CDS1: variants seen among roughly 807,000 people sequenced by gnomAD.
CDS1 encodes the protein CDP-diacylglycerol synthase 1.
In CDS1, 41 loss-of-function variants were observed where a neutral mutation model predicts 62.1. The observed-to-expected ratio is 0.66, with a 90% CI of 0.51 to 0.86. The LOEUF is 0.86. CDS1 is among the 40% of genes least tolerant of loss of function. The probability of loss-of-function intolerance (pLI) is 0.00; values close to 1 mark genes in which losing one functional copy is unlikely to be tolerated. For missense variants in CDS1, 470 were observed against 550.1 expected (o/e 0.85, Z 1.46); for synonymous variants, 185 against 192.6 (o/e 0.96, Z 0.32).
intron 5 of CDS1, among the ~76,000 whole-genome samples, chr4:84,624,996 G>T (rs1225839780): frequency 6.6e-6 from 1 of 152,016 alleles, no homozygotes; most frequent in African/African-American, 2.4e-5. Context: ...AAGTAGCTGG[G>T]ACTACAGGCA....
At chr4:84,630,148 A>G (rs1723976723) in intron 5 of CDS1, among the ~76,000 whole-genome samples, 1 of 152,196 alleles carries the variant, frequency 6.6e-6, no homozygotes, top group South Asian at 2.1e-4. Flanking sequence ...AGATAAGTCT[A>G]CCTGCTGTAG....
intron 5 of CDS1, among the ~76,000 whole-genome samples, chr4:84,630,885 C>G (rs1476213044): frequency 1.3e-5 from 2 of 152,140 alleles, no homozygotes; most frequent in Non-Finnish European, 2.9e-5. Context: ...TATATATTTT[C>G]AATATCCACC....
chr4:84,590,503 TGA>T (rs375352419), intron 1 of CDS1, among the ~76,000 whole-genome samples: 73 of 152,358 alleles, frequency 4.8e-4, no homozygotes, highest in African/African-American at 1.8e-3. Flanking sequence ...CTTATTATTT[TGA>T]GAGATACTAC....
Position 84,600,211 on chromosome 4 carries a change from T to A in CDS1, c.118-4032T>A, listed in dbSNP as rs112387987. ...AATGTCTGTCCAAATATTTTGTTCA[T>A]TTATTGTTTCCTTGTCGAATTTTGA... On this transcript the variant is annotated intron_variant, in intron 1 of 12. Coordinates refer to ENST00000295887, the MANE Select transcript of CDS1 (RefSeq NM_001263.4). 1.2e-3 allele frequency among the ~76,000 whole-genome samples: 189 copies of A among 152,326 alleles called. 1 individual carries two copies. The highest frequency in any genetic ancestry group is 4.3e-3 in the African/African-American group (179 of 41,580).
chr4:84,602,000 A>C (rs867417817), intron 1 of CDS1, among the ~76,000 whole-genome samples: 4 of 152,172 alleles, frequency 2.6e-5, no homozygotes, highest in Non-Finnish European at 4.4e-5. Context: ...ACAGTGCCGC[A>C]TGGCTCTATT....
At chr4:84,630,971 T>G (rs1179808562) in intron 5 of CDS1, among the ~76,000 whole-genome samples, 1 of 152,222 alleles carries the variant, frequency 6.6e-6, no homozygotes, top group Non-Finnish European at 1.5e-5. Context: ...TCCCATTATT[T>G]TAGTATATGA....
chr4:84,595,619 G>C (rs1464968700), intron 1 of CDS1, among the ~76,000 whole-genome samples: 2 of 152,126 alleles, frequency 1.3e-5, no homozygotes, highest in Admixed American at 1.3e-4. Flanking sequence ...AACCGTACTT[G>C]TTTCTCACTC....
At chr4:84,619,562 T>C (rs748535874) in intron 5 of CDS1, 29 bp downstream of exon 5, 7 of 1,301,294 alleles carry the variant, frequency 5.4e-6, no homozygotes, top group Non-Finnish European at 5.2e-6. Context: ...TGTATTGATA[T>C]ATAGTTAACA....
At chr4:84,620,715 G>A (rs1354652628) in intron 5 of CDS1, among the ~76,000 whole-genome samples, 2 of 151,920 alleles carry the variant, frequency 1.3e-5, no homozygotes, top group African/African-American at 2.4e-5. Context: ...CTTTTTAAAA[G>A]CCAGATTGCT....
intron 11 of CDS1, among the ~76,000 whole-genome samples, chr4:84,644,750 AAAG>A (rs539761858): frequency 2.6e-4 from 39 of 152,240 alleles, no homozygotes; most frequent in Non-Finnish European, 4.4e-4. Flanking sequence ...ACACTTAAAA[AAAG>A]AAGAAGAAAT....
intron 2 of CDS1, among the ~76,000 whole-genome samples, chr4:84,605,925 G>A (rs181037961): frequency 6.6e-6 from 1 of 152,262 alleles, no homozygotes; most frequent in Non-Finnish European, 1.5e-5. Flanking sequence ...TAGCTAGTAA[G>A]TTATGGACCC....
chr4:84,632,441 G>T (rs939896037), intron 6 of CDS1, among the ~76,000 whole-genome samples: 5 of 152,076 alleles, frequency 3.3e-5, no homozygotes, highest in African/African-American at 1.2e-4. Flanking sequence ...ACAATGCAAT[G>T]TAGTATTCAG....
At chr4:84,583,644 C>A in intron 1 of CDS1, 126 bp downstream of exon 1, 1 of 581,284 alleles carries the variant, frequency 1.7e-6, no homozygotes, top group Non-Finnish European at 3.0e-6. Context: ...GTGCACCTTC[C>A]TCCCTGCCTG....
chr4:84,591,037 AG>A (rs1418518331), intron 1 of CDS1, among the ~76,000 whole-genome samples: 2 of 152,186 alleles, frequency 1.3e-5, no homozygotes, highest in African/African-American at 2.4e-5. Flanking sequence ...TCAAAATAAA[AG>A]TTTCTTTTCC....
chr4:84,596,972 C>A (rs1722770712), intron 1 of CDS1, among the ~76,000 whole-genome samples: 1 of 152,092 alleles, frequency 6.6e-6, no homozygotes. Context: ...TGGCCAAAGC[C>A]CTGGCTGGAG....
intron 2 of CDS1, among the ~76,000 whole-genome samples, chr4:84,605,276 A>G (rs1723058247): frequency 6.6e-6 from 1 of 152,112 alleles, no homozygotes; most frequent in African/African-American, 2.4e-5. Context: ...TCTTCCCATT[A>G]CTGTGTAATA....
intron 5 of CDS1, among the ~76,000 whole-genome samples, chr4:84,629,690 C>T (rs544434050): frequency 6.6e-6 from 1 of 152,274 alleles, no homozygotes; most frequent in East Asian, 1.9e-4. Flanking sequence ...CTCCCCCTTC[C>T]TCTAAGTCAG....
chr4:84,635,629 TCCTTC>T (rs1724172472), intron 8 of CDS1, among the ~76,000 whole-genome samples: 1 of 42,924 alleles, frequency 2.3e-5, no homozygotes, highest in African/African-American at 9.2e-5. Flanking sequence ...CTGCCTGCCT[TCCTTC>T]CTTCCTTCCT....
intron 3 of CDS1, 124 bp from the exon 4 acceptor site, chr4:84,617,440 T>G (rs1221957618): frequency 1.6e-6 from 1 of 608,680 alleles, no homozygotes; most frequent in Admixed American, 3.2e-5. Context: ...TTACTGACAT[T>G]TAGCATAATT....
Sources: gnomAD v4.1 joint callset for allele counts (sites outside exome capture counted in the v4.1 genomes callset) on GRCh38, gnomAD v4.1.1 for gene constraint, MANE v1.5 for transcripts, NCBI Gene and HGNC (gene_info 2026-07-23, HGNC 2026-07-21) for gene names.